ADD2: variants seen among roughly 807,000 people sequenced by gnomAD.
ADD2 encodes the protein beta-adducin.
A neutral mutation model predicts 83.0 loss-of-function variants in ADD2; 23 were observed. The observed-to-expected ratio is 0.28, with a 90% confidence interval of 0.20 to 0.39. The LOEUF (loss-of-function observed/expected upper bound fraction) is 0.39, where lower values mean the gene tolerates loss of function less well. Ranked by LOEUF, ADD2 falls within the 10% of genes least tolerant of loss-of-function variation. ADD2 has a pLI of 1.00. For missense variants in ADD2, 758 were observed against 944.9 expected, an observed-to-expected ratio of 0.80 and a Z score of 2.59; for synonymous variants, 375 against 375.4, an observed-to-expected ratio of 1.00 and a Z score of 0.01.
intron 1 of ADD2, among the ~76,000 whole-genome samples, chr2:70,757,024 C>T (rs1317184558): frequency 6.6e-6 from 1 of 152,150 alleles, no homozygotes; most frequent in African/African-American, 2.4e-5. Flanking sequence ...GACAGGGTTT[C>T]ACCAAGTTGG....
At chr2:70,668,224 C>G (rs1476793648) in intron 15 of ADD2, among the ~76,000 whole-genome samples, 1 of 152,138 alleles carries the variant, frequency 6.6e-6, no homozygotes. Context: ...CTCCTCTTAT[C>G]TCTCTATATA....
chr2:70,760,164 GA>G (rs1675006858), intron 1 of ADD2, among the ~76,000 whole-genome samples: 1 of 152,176 alleles, frequency 6.6e-6, no homozygotes, highest in South Asian at 2.1e-4. Context: ...ACACTTTGAA[GA>G]AAAGAAAGGC....
chr2:70,746,975 C>T (rs868944277), intron 1 of ADD2, among the ~76,000 whole-genome samples: 33 of 151,664 alleles, frequency 2.2e-4, no homozygotes, highest in African/African-American at 7.5e-4. Context: ...GCAAATGGTC[C>T]CTGCACTCCA....
rs1553374458 is a variant in ADD2 at position 70,706,343 on chromosome 2, G to A, written c.66C>T (p.Asp22=). The A allele has an allele frequency of 3.1e-6, 5 of 1,613,906 alleles. No homozygotes were observed. The Admixed American group carries it at 5.0e-5, about 16-fold the overall frequency. ...ACTCGGGGTCGTCCTCTGAGAAGCGGTCAAAGTAAGGCTGCCCCTGCGGGG... is the reference window on the plus strand; with the variant it reads ...ACTCGGGGTCGTCCTCTGAGAAGCGATCAAAGTAAGGCTGCCCCTGCGGGG... ...PPPPQGQPYF[D]RFSEDDPEYM... is the part of the protein sequence containing the mutation. The change falls in exon 3 of 16, where the codon GAC becomes GAT. Residue 22 remains aspartate (D), a synonymous_variant. Transcript: ENST00000264436. This position sits in a 1 kb window ranked among gnomAD's most constrained non-coding sequence, Gnocchi z 5.0.
intron 9 of ADD2, among the ~76,000 whole-genome samples, chr2:70,686,449 C>T (rs892994624): frequency 1.3e-5 from 2 of 152,150 alleles, no homozygotes; most frequent in Non-Finnish European, 2.9e-5. Flanking sequence ...CTTGAAACTG[C>T]CCAGAAACTG....
At chr2:70,701,238 A>C (rs988853925) in intron 4 of ADD2, among the ~76,000 whole-genome samples, 2 of 152,126 alleles carry the variant, frequency 1.3e-5, no homozygotes, top group Non-Finnish European at 2.9e-5. Flanking sequence ...GTAATGAAAA[A>C]GGAGTTCAAT....
intron 6 of ADD2, 148 bp downstream of exon 6, chr2:70,695,573 A>C: frequency 2.9e-6 from 2 of 689,494 alleles, no homozygotes; most frequent in Admixed American, 2.4e-5. Context: ...CTGGACACTT[A>C]GTTTGTTCCA....
chr2:70,688,058 T>G lies in ADD2; in HGVS notation c.914A>C (p.Lys305Thr). The G allele has an allele frequency of 6.2e-7, 1 of 1,614,188 alleles. No individual in the cohort carries two copies. Among genetic ancestry groups the G allele is most frequent in the East Asian group, 2.2e-5 (1 of 44,882 alleles). Residue 305 changes from lysine (K) to threonine (T), a missense_variant, in exon 9 of 16, where the codon AAG (lysine) becomes ACG (threonine). Lys to Thr is a moderately conservative substitution (Grantham distance 78, BLOSUM62 -1). This residue lies in a region of ADD2 where 394 missense variants were observed against 509.3 expected (regional missense o/e 0.77). Coordinates refer to ENST00000264436, the MANE Select transcript of ADD2 (RefSeq NM_001617.4). Reference sequence around the variant, plus strand: ...ACATGCAGCCTGCAGGTGGAAGATCTTGTAAAATGCCTCCTCTACCGTGTC... The same window carrying G: ...ACATGCAGCCTGCAGGTGGAAGATCGTGTAAAATGCCTCCTCTACCGTGTC... ...LGDTVEEAFYKIFHLQAACEI... is the reference protein window; with the variant it reads ...LGDTVEEAFYTIFHLQAACEI...
chr2:70,763,757 T>C (rs1675236233), intron 1 of ADD2, among the ~76,000 whole-genome samples: 1 of 151,966 alleles, frequency 6.6e-6, no homozygotes. Flanking sequence ...CCTATATTAT[T>C]ATAGGAAATT....
chr2:70,733,900 CCA>C (rs1273274012), intron 1 of ADD2, among the ~76,000 whole-genome samples: 1 of 152,148 alleles, frequency 6.6e-6, no homozygotes, highest in African/African-American at 2.4e-5. Context: ...CCAGTGCTTT[CCA>C]CAGACACACA....
intron 3 of ADD2, among the ~76,000 whole-genome samples, chr2:70,705,567 A>C (rs1671843875): frequency 1.3e-5 from 2 of 152,192 alleles, no homozygotes; most frequent in African/African-American, 4.8e-5. Context: ...CTCTGCCTTC[A>C]GTGGTCCACA....
rs531426921 is a variant in ADD2, at chr2:70,754,810, T to C, written c.-154+13076A>G. ...ATGTGTGGATGTCAACATCCTACTC[T>C]GACCATCCCCTTCCAGCCCAGCTCT... On this transcript the variant is annotated intron_variant, in intron 1 of 15. Coordinates refer to ENST00000264436, the MANE Select transcript of ADD2 (RefSeq NM_001617.4). Among the ~76,000 whole-genome samples the C allele has an allele frequency of 3.3e-5, 5 of 152,280 alleles. No individual in the cohort carries two copies. In the East Asian group the frequency reaches 9.7e-4, roughly 29 times the overall value.
At chr2:70,716,051 T>G (rs1672450061) in intron 1 of ADD2, among the ~76,000 whole-genome samples, 1 of 152,194 alleles carries the variant, frequency 6.6e-6, no homozygotes, top group African/African-American at 2.4e-5. Context: ...AGCCCTGCTT[T>G]TCCAACCAAA....
intron 8 of ADD2, among the ~76,000 whole-genome samples, chr2:70,690,227 G>A (rs1670958346): frequency 6.6e-6 from 1 of 152,182 alleles, no homozygotes; most frequent in East Asian, 1.9e-4. Flanking sequence ...CTCCTGAGTA[G>A]CTGGGACCAC....
At chr2:70,711,627 T>C (rs568710021) in intron 2 of ADD2, among the ~76,000 whole-genome samples, 16 of 152,210 alleles carry the variant, frequency 1.1e-4, no homozygotes, top group African/African-American at 3.4e-4. Flanking sequence ...AACTTCCTAG[T>C]TGGTGAACAC....
chr2:70,724,780 G>T (rs980549899), intron 1 of ADD2, among the ~76,000 whole-genome samples: 1 of 152,196 alleles, frequency 6.6e-6, no homozygotes, highest in African/African-American at 2.4e-5. Flanking sequence ...AGGGAGATGT[G>T]CTCTACATCC....
chr2:70,671,828 G>A (rs569528838), intron 15 of ADD2, among the ~76,000 whole-genome samples: 182 of 152,244 alleles, frequency 1.2e-3, no homozygotes, highest in Non-Finnish European at 2.0e-3. Flanking sequence ...ACGTGTGGCC[G>A]TTCTACTCCA....
chr2:70,692,728 G>A (rs76990191), intron 6 of ADD2, among the ~76,000 whole-genome samples, 176 bp from the exon 7 acceptor site: 4,135 of 140,344 alleles, frequency 0.029, 179 homozygotes, highest in African/African-American at 0.11. Context: ...CTCAGTGAGT[G>A]CACAGTCTAA....
intron 15 of ADD2, among the ~76,000 whole-genome samples, chr2:70,669,964 G>A (rs781946470): frequency 1.3e-5 from 2 of 152,160 alleles, no homozygotes; most frequent in African/African-American, 2.4e-5. Context: ...AGGCATGTAA[G>A]TGCACCATCT....
Sources: allele counts gnomAD v4.1 joint callset (sites outside exome capture counted in the v4.1 genomes callset), GRCh38; gene constraint gnomAD v4.1.1; regional missense constraint gnomAD v4.1.1; non-coding constraint Gnocchi (gnomAD v3.1); transcripts MANE v1.5; gene names NCBI Gene and HGNC (gene_info 2026-07-23, HGNC 2026-07-21).